Variants in NEGR1 observed in about 807,000 individuals in gnomAD.
NEGR1 encodes neuronal growth regulator 1.
In NEGR1, 10 loss-of-function variants were observed where a neutral mutation model predicts 40.9. That is an observed-to-expected ratio of 0.24 (90% confidence interval 0.15 to 0.42). The LOEUF is 0.42. NEGR1 is among the 10% of genes least tolerant of loss of function. The probability of loss-of-function intolerance (pLI) is 1.00; values close to 1 mark genes in which losing one functional copy is unlikely to be tolerated. For synonymous variants in NEGR1, 185 were observed against 166.8 expected, an observed-to-expected ratio of 1.11 and a Z score of -0.84; for missense variants, 352 against 438.9, an observed-to-expected ratio of 0.80 and a Z score of 1.77.
At chr1:71,990,292 A>G (rs1646438006) in intron 1 of NEGR1, among the ~76,000 whole-genome samples, 1 of 152,158 alleles carries the variant, frequency 6.6e-6, no homozygotes, top group African/African-American at 2.4e-5. Context: ...CGCCTCAACA[A>G]TTATGAATTC....
At chr1:71,674,172 T>C (rs1652531185) in intron 4 of NEGR1, among the ~76,000 whole-genome samples, 1 of 152,202 alleles carries the variant, frequency 6.6e-6, no homozygotes, top group South Asian at 2.1e-4. Context: ...CTTCCCAGGT[T>C]GTTAATAAAA....
At chr1:71,612,018 C>G (rs1388933799) in intron 4 of NEGR1, among the ~76,000 whole-genome samples, 1 of 152,182 alleles carries the variant, frequency 6.6e-6, no homozygotes, top group East Asian at 1.9e-4. Context: ...GTCAGGAGAT[C>G]AAGACCATCC....
At position 72,074,711 on chromosome 1, in the gene NEGR1, C is replaced by G. The variant is rs544866865; in HGVS notation, c.177-139400G>C. Reference sequence around the variant, plus strand: ...AATTATTAATGCCTCATGAACTTTCCCAATGTGCTTTTATTTTTACTTCAT... The same window carrying G: ...AATTATTAATGCCTCATGAACTTTCGCAATGTGCTTTTATTTTTACTTCAT... On this transcript the variant is annotated intron_variant, in intron 1 of 6. Coordinates refer to ENST00000357731, the MANE Select transcript of NEGR1 (RefSeq NM_173808.3). 2.6e-5 allele frequency among the ~76,000 whole-genome samples: 4 copies of G among 152,008 alleles called. No individual in the cohort carries two copies. The East Asian group carries it at 7.7e-4, about 29-fold the overall frequency.
chr1:71,560,501 G>A (rs357212), intron 6 of NEGR1, among the ~76,000 whole-genome samples: 142,879 of 145,150 alleles, frequency 0.98, 70,366 homozygotes, highest in Middle Eastern at 1. Context: ...TAAGAAAACT[G>A]CTATCAGATT....
At chr1:72,184,163 C>A (rs1324194410) in intron 1 of NEGR1, among the ~76,000 whole-genome samples, 2 of 151,944 alleles carry the variant, frequency 1.3e-5, no homozygotes, top group Non-Finnish European at 1.5e-5. Flanking sequence ...TTAGAAGGAG[C>A]TTTGAGGGAA....
At chr1:71,644,438 C>A (rs1022363664) in intron 4 of NEGR1, among the ~76,000 whole-genome samples, 3 of 151,850 alleles carry the variant, frequency 2.0e-5, no homozygotes, top group African/African-American at 7.2e-5. Context: ...TCTAATATAT[C>A]ATTTACCTTG....
intron 6 of NEGR1, among the ~76,000 whole-genome samples, chr1:71,462,567 A>G (rs1184557069): frequency 6.6e-6 from 1 of 152,084 alleles, no homozygotes; most frequent in Non-Finnish European, 1.5e-5. Context: ...TTACCTTGGG[A>G]GTGGAGGGAG....
chr1:72,061,750 T>C (rs1452814429), intron 1 of NEGR1, among the ~76,000 whole-genome samples: 1 of 151,868 alleles, frequency 6.6e-6, no homozygotes, highest in Non-Finnish European at 1.5e-5. Context: ...ATTTCTATTG[T>C]TGATGTAGAT....
At chr1:71,937,356 T>C (rs1645915167) in intron 1 of NEGR1, among the ~76,000 whole-genome samples, 1 of 152,228 alleles carries the variant, frequency 6.6e-6, no homozygotes, top group Non-Finnish European at 1.5e-5. Context: ...ACATTTGTGC[T>C]GGTACAGGAC....
intron 1 of NEGR1, among the ~76,000 whole-genome samples, chr1:72,207,424 C>A (rs1340671254): frequency 6.6e-6 from 1 of 151,704 alleles, no homozygotes. Flanking sequence ...TGAAAGTCTT[C>A]TTTTTATATA....
intron 3 of NEGR1, among the ~76,000 whole-genome samples, chr1:71,771,680 C>T (rs1398669926): frequency 3.9e-5 from 1 of 25,366 alleles, no homozygotes; most frequent in Non-Finnish European, 7.6e-5. Flanking sequence ...GCCTGGGTAA[C>T]AAAAGCAAGA....
chr1:72,035,594 T>C (rs1395534539), intron 1 of NEGR1, among the ~76,000 whole-genome samples: 6 of 152,180 alleles, frequency 3.9e-5, no homozygotes, highest in Non-Finnish European at 4.4e-5. Flanking sequence ...TATGAATGTA[T>C]AATCACACAT....
intron 1 of NEGR1, among the ~76,000 whole-genome samples, chr1:71,953,083 C>G (rs1048575311): frequency 4.9e-4 from 75 of 151,934 alleles, no homozygotes; most frequent in African/African-American, 1.7e-3. Flanking sequence ...CCTAGTAACA[C>G]AACACCCATA....
At chr1:71,523,524 T>C (rs570374689) in intron 6 of NEGR1, among the ~76,000 whole-genome samples, 2 of 152,022 alleles carry the variant, frequency 1.3e-5, no homozygotes, top group East Asian at 3.9e-4. Context: ...GCCTTGTCTA[T>C]TTGCACTTGC....
At chr1:71,521,530 A>G (rs576696917) in intron 6 of NEGR1, among the ~76,000 whole-genome samples, 2 of 152,152 alleles carry the variant, frequency 1.3e-5, no homozygotes, top group South Asian at 4.1e-4. Flanking sequence ...ATCACACTCT[A>G]CTATATTTCT....
chr1:71,874,228 C>T (rs1660362015), intron 2 of NEGR1, among the ~76,000 whole-genome samples: 1 of 152,096 alleles, frequency 6.6e-6, no homozygotes, highest in South Asian at 2.1e-4. Context: ...TTTTAGATGA[C>T]ATTAATTTGC....
chr1:72,036,142 A>G lies in NEGR1; in HGVS notation c.177-100831T>C, dbSNP rs77453604. On this transcript the variant is annotated intron_variant, in intron 1 of 6. Transcript: ENST00000357731. ...TTTTAGAATTACACTGTGATTTAGC[A>G]TAAGTACATTTCAGTGAATACTGAG... Among the ~76,000 whole-genome samples, 3 of 152,340 alleles carry G rather than the reference A, an allele frequency of 2.0e-5. No homozygotes were observed. The East Asian group carries it at 5.8e-4, about 29-fold the overall frequency.
At chr1:72,067,274 A>G (rs752383244) in intron 1 of NEGR1, among the ~76,000 whole-genome samples, 35 of 152,126 alleles carry the variant, frequency 2.3e-4, no homozygotes, top group Non-Finnish European at 5.0e-4. Flanking sequence ...GTGGTGTAAC[A>G]GTGTCTGTAT....
chr1:71,793,310 G>A (rs1321111319), intron 2 of NEGR1, among the ~76,000 whole-genome samples: 2 of 5,982 alleles, frequency 3.3e-4, no homozygotes, highest in South Asian at 6.5e-3. Context: ...GGGGTTTCAC[G>A]ATATTGGCCA....
Sources: gnomAD v4.1 joint callset for allele counts (sites outside exome capture counted in the v4.1 genomes callset) on GRCh38, gnomAD v4.1.1 for gene constraint, MANE v1.5 for transcripts, NCBI Gene and HGNC (gene_info 2026-07-23, HGNC 2026-07-21) for gene names.